SLC26A7: variants seen among roughly 807,000 people sequenced by gnomAD.
SLC26A7 encodes solute carrier family 26 member 7, also known as anion exchange transporter.
SLC26A7 carries 59 observed loss-of-function variants against 82.5 expected under a neutral mutation model. The ratio of observed to expected loss-of-function variants is 0.72; its 90% CI spans 0.58 to 0.89. The LOEUF (loss-of-function observed/expected upper bound fraction) is 0.89. Ranked by LOEUF, SLC26A7 falls within the 40% of genes least tolerant of loss-of-function variation. SLC26A7 has a pLI of 0.00. For synonymous variants in SLC26A7, 271 were observed against 274.3 expected (o/e 0.99, Z 0.12); for missense variants, 820 against 793.0 (o/e 1.03, Z -0.41).
chr8:91,295,559 A>G lies in SLC26A7; in HGVS notation c.333A>G (p.Ser111=). The G allele has an allele frequency of 6.2e-7, 1 of 1,613,710 alleles. No homozygotes were observed. The highest frequency in any genetic ancestry group is 8.5e-7 in the Non-Finnish European group (1 of 1,179,792). ...CCTTTGCCTTGACATCCTTAATATC[A>G]GCCAACGCCGTGGAACGGATTGTCC... ...TGTFALTSLI[S]ANAVERIVPQ... is the part of the protein sequence containing the mutation. The change falls in exon 4 of 19, where the codon TCA becomes TCG. Residue 111 remains serine, a synonymous_variant. Transcript: ENST00000276609.
intron 2 of SLC26A7, among the ~76,000 whole-genome samples, chr8:91,268,107 G>A (rs562882655): frequency 6.6e-6 from 1 of 151,714 alleles, no homozygotes; most frequent in Non-Finnish European, 1.5e-5. Context: ...GGTCAGAAAA[G>A]GTACTTGATA....
intron 1 of SLC26A7, among the ~76,000 whole-genome samples, chr8:91,212,441 C>A (rs1809947244): frequency 6.6e-6 from 1 of 152,070 alleles, no homozygotes; most frequent in South Asian, 2.1e-4. Context: ...ATTAAAACTA[C>A]CCTCAAAAGA....
chr8:91,268,045 C>G (rs544244575), intron 2 of SLC26A7, among the ~76,000 whole-genome samples: 73 of 151,814 alleles, frequency 4.8e-4, no homozygotes, highest in African/African-American at 1.7e-3. Flanking sequence ...CCATGTATTT[C>G]TACAGTTTCC....
intron 2 of SLC26A7, among the ~76,000 whole-genome samples, chr8:91,265,154 G>A (rs144299199): frequency 6.6e-6 from 1 of 151,938 alleles, no homozygotes; most frequent in Non-Finnish European, 1.5e-5. Flanking sequence ...GTCTTTCTGT[G>A]TCTGGCTTAT....
At chr8:91,303,509 A>C (rs1812223334) in intron 4 of SLC26A7, among the ~76,000 whole-genome samples, 2 of 152,180 alleles carry the variant, frequency 1.3e-5, no homozygotes, top group Non-Finnish European at 2.9e-5. Context: ...CTTCACTAGA[A>C]TAATGCCATT....
chr8:91,336,628 C>A (rs1247608296), intron 6 of SLC26A7, among the ~76,000 whole-genome samples: 2 of 152,050 alleles, frequency 1.3e-5, no homozygotes, highest in Admixed American at 1.3e-4. Flanking sequence ...GGGTGCAATC[C>A]CCCCCTTGCC....
At chr8:91,305,814 C>T (rs1240295976) in intron 4 of SLC26A7, among the ~76,000 whole-genome samples, 1 of 152,178 alleles carries the variant, frequency 6.6e-6, no homozygotes, top group African/African-American at 2.4e-5. Flanking sequence ...TCTCTCTGCT[C>T]TCCATTCCTG....
intron 2 of SLC26A7, among the ~76,000 whole-genome samples, chr8:91,271,026 G>A (rs1811253306): frequency 1.3e-5 from 2 of 152,206 alleles, no homozygotes; most frequent in South Asian, 2.1e-4. Context: ...CATAATGACT[G>A]TTTCCCCAGT....
chr8:91,322,149 T>C (rs1368036620), intron 5 of SLC26A7, among the ~76,000 whole-genome samples: 1 of 152,196 alleles, frequency 6.6e-6, no homozygotes, highest in Non-Finnish European at 1.5e-5. Flanking sequence ...CTTATGTGTA[T>C]TTTAATGACT....
chr8:91,237,473 G>A (rs950097702), intron 2 of SLC26A7, among the ~76,000 whole-genome samples: 8 of 152,138 alleles, frequency 5.3e-5, no homozygotes, highest in Admixed American at 3.9e-4. Flanking sequence ...TCTCTCCTTT[G>A]TCGATACTTC....
At chr8:91,308,107 C>A (rs1016759385) in intron 4 of SLC26A7, among the ~76,000 whole-genome samples, 1 of 152,074 alleles carries the variant, frequency 6.6e-6, no homozygotes, top group Non-Finnish European at 1.5e-5. Context: ...CTGAACATTG[C>A]TGAGACTTTT....
chr8:91,289,790 G>A (rs1811815283), intron 3 of SLC26A7, among the ~76,000 whole-genome samples: 1 of 152,166 alleles, frequency 6.6e-6, no homozygotes, highest in Non-Finnish European at 1.5e-5. Flanking sequence ...TGGACTAAAT[G>A]ATGATCTTTA....
intron 5 of SLC26A7, among the ~76,000 whole-genome samples, chr8:91,319,194 G>A (rs1381122360): frequency 6.6e-6 from 1 of 152,008 alleles, no homozygotes; most frequent in African/African-American, 2.4e-5. Flanking sequence ...ATTATACATG[G>A]CCCCGTGAGG....
chr8:91,362,836 C>A (rs978909075), intron 12 of SLC26A7, among the ~76,000 whole-genome samples: 1 of 151,992 alleles, frequency 6.6e-6, no homozygotes, highest in African/African-American at 2.4e-5. Flanking sequence ...TAAATAACTT[C>A]AGAAAATTTT....
rs937938560 is a variant in SLC26A7, at chr8:91,397,279, T to A, written c.*2182T>A. On this transcript the variant is annotated 3_prime_UTR_variant, in exon 19 of 19. Transcript: ENST00000276609. ...CCTGGAGGAAGTCTCTGGTATGGAG[T>A]TCTGAGAGCTTAAGAGCTAAACATG... 2.5e-4 allele frequency: 38 copies of A among 152,008 alleles called. No individual in the cohort carries two copies. Among genetic ancestry groups the A allele is most frequent in the Admixed American group, 1.7e-3 (26 of 15,242 alleles). 9.4% of individuals were successfully genotyped at this position (152,008 alleles called of 1,614,324 possible). A position where few individuals can be genotyped will look rare whatever the true frequency, so the allele number is the denominator to read the frequency against.
At chr8:91,266,763 G>A (rs1811124423) in intron 2 of SLC26A7, among the ~76,000 whole-genome samples, 2 of 151,730 alleles carry the variant, frequency 1.3e-5, no homozygotes, top group East Asian at 1.9e-4. Context: ...TCTAGCTAGG[G>A]CTATCAGTAC....
chr8:91,393,690 C>T (rs374911366), intron 16 of SLC26A7, 107 bp from the exon 17 acceptor site: 21 of 1,227,970 alleles, frequency 1.7e-5, no homozygotes, highest in Admixed American at 5.7e-5. Flanking sequence ...GGTTTGACTT[C>T]GTAAACATCG....
intron 15 of SLC26A7, among the ~76,000 whole-genome samples, chr8:91,381,690 T>C (rs1005430394): frequency 6.6e-6 from 1 of 152,134 alleles, no homozygotes; most frequent in Non-Finnish European, 1.5e-5. Context: ...CCAGACATAG[T>C]TTATCAGAAC....
intron 4 of SLC26A7, among the ~76,000 whole-genome samples, chr8:91,310,101 AATT>A (rs1812437922): frequency 6.6e-6 from 1 of 151,934 alleles, no homozygotes; most frequent in Admixed American, 6.6e-5. Context: ...GGCTGGGACC[AATT>A]ATTATTTTAG....
Sources: gnomAD v4.1 joint callset for allele counts (sites outside exome capture counted in the v4.1 genomes callset) on GRCh38, gnomAD v4.1.1 for gene constraint, MANE v1.5 for transcripts, NCBI Gene and HGNC (gene_info 2026-07-23, HGNC 2026-07-21) for gene names.